The following TNRC6C variants were observed in gnomAD, a reference collection of about 807,000 sequenced individuals.
TNRC6C encodes the protein trinucleotide repeat-containing gene 6C protein.
Under a neutral mutation model 153.7 loss-of-function variants are expected in TNRC6C, and 20 were observed. That is an observed-to-expected ratio of 0.13 (90% CI 0.09 to 0.19). The LOEUF (loss-of-function observed/expected upper bound fraction) is 0.19. TNRC6C is among the 10% of genes least tolerant of loss of function. The pLI is 1.00. For missense variants in TNRC6C, 1,987 were observed against 2,172.0 expected, an observed-to-expected ratio of 0.91 and a Z score of 1.69; for synonymous variants, 811 against 841.4, an observed-to-expected ratio of 0.96 and a Z score of 0.63.
At chr17:78,080,125 T>C (rs1179606513) in intron 10 of TNRC6C, among the ~76,000 whole-genome samples, 2 of 152,250 alleles carry the variant, frequency 1.3e-5, no homozygotes, top group African/African-American at 4.8e-5. Context: ...TTTCATCCCT[T>C]TTCAGGAGTG....
At chr17:78,091,906 A>G (rs1173747062) in intron 14 of TNRC6C, among the ~76,000 whole-genome samples, 1 of 152,224 alleles carries the variant, frequency 6.6e-6, no homozygotes. Context: ...ATCAACAAAA[A>G]CTTGAGTCTG....
intron 1 of TNRC6C, among the ~76,000 whole-genome samples, chr17:78,030,553 A>T (rs2072050743): frequency 6.6e-6 from 1 of 152,172 alleles, no homozygotes; most frequent in Non-Finnish European, 1.5e-5. Context: ...ATTCCATTAT[A>T]ATCTTACGGA....
At chr17:78,014,280 CAGTGGACTTTCTT>C (rs2071689433) in intron 1 of TNRC6C, among the ~76,000 whole-genome samples, 1 of 152,178 alleles carries the variant, frequency 6.6e-6, no homozygotes, top group African/African-American at 2.4e-5. Context: ...GCTCTACACC[CAGTGGACTTTCTT>C]TGCCTTTAAT....
intron 1 of TNRC6C, among the ~76,000 whole-genome samples, chr17:77,997,057 G>T (rs2071339465): frequency 2.6e-5 from 4 of 152,180 alleles, no homozygotes; most frequent in Admixed American, 2.6e-4. Flanking sequence ...AAGCAAGGAG[G>T]TGGAATACCT....
intron 16 of TNRC6C, 64 bp downstream of exon 18, chr17:78,093,827 G>C: frequency 6.3e-7 from 1 of 1,591,306 alleles, no homozygotes; most frequent in Non-Finnish European, 8.6e-7. Flanking sequence ...GGAGATGTCA[G>C]GGGTGACAGG....
upstream of TNRC6C, among the ~76,000 whole-genome samples, chr17:78,000,101 C>G (rs988818083): frequency 1.2e-4 from 18 of 152,198 alleles, no homozygotes; most frequent in African/African-American, 4.1e-4. Context: ...ACCCCAAGTC[C>G]AGGTGTCATG....
rs1450438557 is a variant in TNRC6C at position 77,992,367 on chromosome 17, G to C, written c.-37-11803G>C. ...ACAAAAATTAGCCGGGCATGGTGGC[G>C]CGTGCCTGTAGTCCCAGCTACACAG... On this transcript the variant is annotated intron_variant, in intron 1 of 22. Transcript: ENST00000636222. 1.9e-5 allele frequency among the ~76,000 whole-genome samples: 2 copies of C among 104,890 alleles called. 1 individual carries two copies. Among genetic ancestry groups the C allele is most frequent in the African/African-American group, 1.0e-4 (2 of 19,236 alleles). 68.8% of individuals were successfully genotyped at this position (104,890 alleles called of 152,430 possible).
At chr17:78,080,852 T>C (rs1304257496) in intron 10 of TNRC6C, among the ~76,000 whole-genome samples, 1 of 152,216 alleles carries the variant, frequency 6.6e-6, no homozygotes, top group African/African-American at 2.4e-5. Context: ...TTAAAATTTC[T>C]GAGGGATCTT....
intron 16 of TNRC6C, among the ~76,000 whole-genome samples, chr17:78,096,546 C>T (rs913992376): frequency 1.3e-5 from 2 of 152,240 alleles, no homozygotes; most frequent in Admixed American, 6.5e-5. Context: ...GCAGGTTGGA[C>T]ACTGCACGTG....
At chr17:78,020,144 C>T (rs952997444) in intron 1 of TNRC6C, among the ~76,000 whole-genome samples, 16 of 152,158 alleles carry the variant, frequency 1.1e-4, no homozygotes, top group South Asian at 2.1e-4. Context: ...GTCAGAATTC[C>T]GCATTCCTCT....
chr17:77,962,546 G>A (rs896287056), intron 1 of TNRC6C, among the ~76,000 whole-genome samples: 2 of 152,210 alleles, frequency 1.3e-5, no homozygotes, highest in African/African-American at 4.8e-5. Context: ...GAGGAGACAG[G>A]AACAGATTTA....
chr17:78,085,780 T>TTTG (rs112045578), intron 11 of TNRC6C, among the ~76,000 whole-genome samples: 1,555 of 152,248 alleles, frequency 0.01, 20 homozygotes, highest in South Asian at 0.037. Context: ...CTACCAGTGT[T>TTTG]TCACATTGTC....
intron 1 of TNRC6C, among the ~76,000 whole-genome samples, chr17:77,977,837 A>G (rs1448491504): frequency 6.6e-6 from 1 of 151,934 alleles, no homozygotes; most frequent in East Asian, 1.9e-4. Context: ...GACTCTTAAA[A>G]TAATTTACCA....
intron 1 of TNRC6C, among the ~76,000 whole-genome samples, chr17:77,968,026 ATTATTC>A (rs112467962): frequency 1.1e-4 from 17 of 152,130 alleles, no homozygotes; most frequent in Admixed American, 3.3e-4. Context: ...TATTATTCTT[ATTATTC>A]TTATTCTTAT....
chr17:78,051,155 C>T lies in TNRC6C; in HGVS notation c.2093C>T (p.Pro698Leu), dbSNP rs778449160. ...ACAGGGTGGATCGGGGGGCCGGTAC[C>T]GGTCAAACAGAAGGACAGCAGTGAA... Residue 698 changes from proline (P) to leucine (L), a missense_variant, in exon 3 of 20, where the codon CCG becomes CTG. By Grantham distance (98) the Pro-to-Leu change is moderately conservative (BLOSUM62 -3). Transcript: ENST00000301624. 2.0e-4 allele frequency: 316 copies of T among 1,576,136 alleles called. No homozygotes were observed. The highest frequency in any genetic ancestry group is 2.5e-4 in the Non-Finnish European group (295 of 1,161,072).
chr17:78,059,921 A>T (rs1305925158), intron 3 of TNRC6C, among the ~76,000 whole-genome samples: 5 of 152,028 alleles, frequency 3.3e-5, no homozygotes, highest in Non-Finnish European at 7.4e-5. Flanking sequence ...GAGTTAGCCC[A>T]TTAAAATCTG....
In TNRC6C at chr17:78,074,001, T is replaced by C. The variant is rs559772853; in HGVS notation, c.2917+907T>C. Among the ~76,000 whole-genome samples, 20 of 152,310 alleles carry C rather than the reference T, an allele frequency of 1.3e-4. No homozygotes were observed. In the South Asian group the frequency reaches 4.1e-3, roughly 32 times the overall value. On this transcript the variant is annotated intron_variant, in intron 7 of 19. Coordinates refer to ENST00000301624, the Ensembl canonical transcript of TNRC6C. ...CGCACATACAGGTCAGTGAATTTTT[T>C]AGGATGTACCATATCATTGATTCAT...
intron 3 of TNRC6C, among the ~76,000 whole-genome samples, chr17:78,053,669 A>T (rs1365088218): frequency 6.6e-6 from 1 of 152,048 alleles, no homozygotes; most frequent in Non-Finnish European, 1.5e-5. Flanking sequence ...GATTATTCCT[A>T]AGTAAGGAAT....
At chr17:77,995,383 C>T (rs1323191040) in intron 1 of TNRC6C, among the ~76,000 whole-genome samples, 1 of 152,228 alleles carries the variant, frequency 6.6e-6, no homozygotes, top group East Asian at 1.9e-4. Context: ...TGCTATGTCT[C>T]TAGTGCCCTG....
Sources: allele counts gnomAD v4.1 joint callset (sites outside exome capture counted in the v4.1 genomes callset), GRCh38; gene constraint gnomAD v4.1.1; transcripts MANE v1.5; gene names NCBI Gene and HGNC (gene_info 2026-07-23, HGNC 2026-07-21).